Variants in RAD51B observed in about 807,000 individuals in gnomAD.
RAD51B encodes the protein RAD51 paralog B.
RAD51B carries 38 observed loss-of-function variants against 42.2 expected under a neutral mutation model. The ratio of observed to expected loss-of-function variants is 0.90; its 90% CI spans 0.70 to 1.18. RAD51B has a LOEUF of 1.18. RAD51B is among the 50% of genes most tolerant of loss of function. The pLI is 0.00. For missense variants in RAD51B, 373 were observed against 400.7 expected (o/e 0.93, Z 0.59); for synonymous variants, 154 against 145.2 (o/e 1.06, Z -0.43).
At chr14:67,846,576 C>T (rs1249935621) in intron 4 of RAD51B, among the ~76,000 whole-genome samples, 2 of 152,094 alleles carry the variant, frequency 1.3e-5, no homozygotes, top group African/African-American at 4.8e-5. Flanking sequence ...GTGGAGGCTG[C>T]TCTACTGGAG....
At chr14:68,555,159 T>G (rs921795935) in intron 10 of RAD51B, among the ~76,000 whole-genome samples, 10 of 152,250 alleles carry the variant, frequency 6.6e-5, no homozygotes, top group Admixed American at 2.0e-4. Context: ...AAAATATTCT[T>G]AAGAAGAACA....
chr14:68,647,261 T>G (rs192274325), intron 10 of RAD51B, among the ~76,000 whole-genome samples: 5 of 152,346 alleles, frequency 3.3e-5, no homozygotes, highest in Admixed American at 1.3e-4. Context: ...CTACTGCATG[T>G]CTTATTGCAT....
At chr14:68,295,882 C>G (rs1053405728) in intron 8 of RAD51B, among the ~76,000 whole-genome samples, 2 of 152,166 alleles carry the variant, frequency 1.3e-5, no homozygotes, top group Middle Eastern at 3.4e-3. Context: ...CCTTGCCCCC[C>G]GCCCCCAAAT....
At chr14:68,245,711 A>G (rs1440867112) in intron 7 of RAD51B, among the ~76,000 whole-genome samples, 2 of 152,230 alleles carry the variant, frequency 1.3e-5, no homozygotes, top group African/African-American at 4.8e-5. Context: ...TAATCCCACA[A>G]TCTGATTTAG....
intron 10 of RAD51B, among the ~76,000 whole-genome samples, chr14:68,525,291 A>G (rs1886853568): frequency 6.6e-6 from 1 of 152,248 alleles, no homozygotes; most frequent in Admixed American, 6.5e-5. Flanking sequence ...CGCCTTCCAG[A>G]TGTCTTAATT....
At chr14:68,523,848 A>G (rs756475096) in intron 10 of RAD51B, among the ~76,000 whole-genome samples, 2 of 152,216 alleles carry the variant, frequency 1.3e-5, no homozygotes, top group Admixed American at 6.5e-5. Flanking sequence ...GTTCAAGTCC[A>G]TGTTGTTCAA....
intron 8 of RAD51B, among the ~76,000 whole-genome samples, chr14:68,355,214 A>G (rs982982117): frequency 1.3e-5 from 2 of 152,194 alleles, no homozygotes; most frequent in African/African-American, 2.4e-5. Context: ...TTGGAGACAT[A>G]TTTGTTTGTT....
chr14:68,300,993 C>G lies in RAD51B; in HGVS notation c.853+9013C>G, dbSNP rs114698694. Among the ~76,000 whole-genome samples, 717 of 152,262 alleles carry G rather than the reference C, an allele frequency of 4.7e-3. 5 individuals are homozygous for G. The highest frequency in any genetic ancestry group is 0.016 in the African/African-American group (659 of 41,554). On this transcript the variant is annotated intron_variant, in intron 8 of 10. Coordinates refer to ENST00000471583, the MANE Select transcript of RAD51B (RefSeq NM_133510.4). ...TACGGTATACAAGAGCAAAATTACT[C>G]TCTACCCTCAGGGGAGTGTCTGAGT...
At chr14:67,961,910 A>G (rs943372951) in intron 7 of RAD51B, among the ~76,000 whole-genome samples, 2 of 152,340 alleles carry the variant, frequency 1.3e-5, no homozygotes, top group African/African-American at 2.4e-5. Flanking sequence ...ATAAAGTTAG[A>G]TAAAAGCCTT....
intron 7 of RAD51B, among the ~76,000 whole-genome samples, chr14:68,149,094 G>A (rs2078317829): frequency 1.3e-5 from 2 of 152,112 alleles, no homozygotes; most frequent in Admixed American, 1.3e-4. Context: ...TAAGAGTCCT[G>A]TGGATGCAAG....
chr14:68,359,667 C>T (rs771426338), intron 8 of RAD51B, among the ~76,000 whole-genome samples: 2 of 152,138 alleles, frequency 1.3e-5, no homozygotes, highest in African/African-American at 2.4e-5. Context: ...TTTGAGGGCT[C>T]CTCTTGGCTA....
intron 7 of RAD51B, among the ~76,000 whole-genome samples, chr14:68,207,676 A>G (rs1007014578): frequency 1.3e-5 from 2 of 152,182 alleles, no homozygotes; most frequent in African/African-American, 4.8e-5. Flanking sequence ...GTGAAGTCAA[A>G]GAAGCAGGGG....
chr14:68,055,704 T>TA (rs1437108381), intron 7 of RAD51B, among the ~76,000 whole-genome samples: 1 of 152,190 alleles, frequency 6.6e-6, no homozygotes, highest in Non-Finnish European at 1.5e-5. Context: ...TTCAGTTAGA[T>TA]ATAGGTTAAT....
At chr14:68,579,786 G>A (rs935117558) in intron 10 of RAD51B, among the ~76,000 whole-genome samples, 7 of 152,328 alleles carry the variant, frequency 4.6e-5, no homozygotes, top group Admixed American at 2.0e-4. Context: ...GAGGCTGGCT[G>A]CCCCACTGTC....
intron 7 of RAD51B, among the ~76,000 whole-genome samples, chr14:68,175,895 C>A (rs1400740661): frequency 1.3e-5 from 2 of 152,222 alleles, no homozygotes; most frequent in Non-Finnish European, 2.9e-5. Flanking sequence ...TTAATGATTT[C>A]TCTACTATAT....
intron 10 of RAD51B, among the ~76,000 whole-genome samples, chr14:68,547,095 T>C (rs1888276450): frequency 6.6e-6 from 1 of 152,190 alleles, no homozygotes; most frequent in Non-Finnish European, 1.5e-5. Context: ...CACCTCCTAT[T>C]ACAAATGGCT....
chr14:68,573,825 G>A (rs141341387), intron 10 of RAD51B, among the ~76,000 whole-genome samples: 13 of 152,270 alleles, frequency 8.5e-5, no homozygotes, highest in South Asian at 4.1e-4. Context: ...CATTCAGCCC[G>A]CAGATGAAGA....
intron 7 of RAD51B, among the ~76,000 whole-genome samples, chr14:68,156,453 A>ATTTCTC (rs1555365422): frequency 2.1e-5 from 1 of 48,568 alleles, no homozygotes; most frequent in African/African-American, 7.6e-5. Flanking sequence ...ACCTTAGAAA[A>ATTTCTC]TTTCTCTCTC....
chr14:67,929,898 C>G (rs2044664502), intron 7 of RAD51B, among the ~76,000 whole-genome samples: 1 of 151,918 alleles, frequency 6.6e-6, no homozygotes, highest in Non-Finnish European at 1.5e-5. Flanking sequence ...GATCCTCCCG[C>G]CTCTGCCTTC....
Sources: gnomAD v4.1 joint callset for allele counts (sites outside exome capture counted in the v4.1 genomes callset) on GRCh38, gnomAD v4.1.1 for gene constraint, MANE v1.5 for transcripts, NCBI Gene and HGNC (gene_info 2026-07-23, HGNC 2026-07-21) for gene names.